The following ARFIP1 variants were observed in gnomAD, a reference collection of about 807,000 sequenced individuals.
ARFIP1 encodes the protein arfaptin-1.
ARFIP1 carries 24 observed loss-of-function variants against 42.5 expected under a neutral mutation model. The observed-to-expected ratio is 0.57, with a 90% CI of 0.41 to 0.80. The LOEUF (loss-of-function observed/expected upper bound fraction) is 0.80, where lower values mean the gene tolerates loss of function less well. Ranked by LOEUF, ARFIP1 falls within the 30% of genes least tolerant of loss-of-function variation. The pLI, the probability that ARFIP1 is intolerant of heterozygous loss-of-function variation, is 0.00. For synonymous variants in ARFIP1, 141 were observed against 153.7 expected, an observed-to-expected ratio of 0.92 and a Z score of 0.61; for missense variants, 354 against 434.0, an observed-to-expected ratio of 0.82 and a Z score of 1.64.
intron 2 of ARFIP1, among the ~76,000 whole-genome samples, chr4:152,836,914 T>G (rs1429636403): frequency 6.6e-6 from 1 of 152,098 alleles, no homozygotes; most frequent in Non-Finnish European, 1.5e-5. Context: ...TGCACCATAT[T>G]TTATCCCTTG....
chr4:152,860,465 C>T (rs985895077), intron 2 of ARFIP1, among the ~76,000 whole-genome samples: 4 of 152,174 alleles, frequency 2.6e-5, no homozygotes, highest in African/African-American at 9.7e-5. Context: ...TGTTTGCCTT[C>T]TGAAACTCCA....
chr4:152,806,870 A>G (rs1729032390), intron 1 of ARFIP1, among the ~76,000 whole-genome samples: 1 of 146,504 alleles, frequency 6.8e-6, no homozygotes, highest in African/African-American at 2.6e-5. Flanking sequence ...GACAGGTCTC[A>G]CTCTGACACC....
intron 2 of ARFIP1, among the ~76,000 whole-genome samples, chr4:152,839,451 C>T (rs1303797912): frequency 6.6e-6 from 1 of 152,114 alleles, no homozygotes; most frequent in Admixed American, 6.5e-5. Context: ...CCATTTCAGT[C>T]TCACTGCTTG....
intron 1 of ARFIP1, among the ~76,000 whole-genome samples, chr4:152,793,483 A>G (rs1731253490): frequency 6.6e-6 from 1 of 151,936 alleles, no homozygotes; most frequent in South Asian, 2.1e-4. Flanking sequence ...CTTGGGGGAG[A>G]TGTTCCAAGA....
intron 2 of ARFIP1, chr4:152,850,530 T>A (rs1221279650): frequency 6.6e-6 from 1 of 152,132 alleles, no homozygotes; most frequent in Non-Finnish European, 1.5e-5. Context: ...GGGGCAGAGT[T>A]GCACAAGAAT....
intron 3 of ARFIP1, among the ~76,000 whole-genome samples, chr4:152,870,276 G>A (rs896367991): frequency 1.3e-5 from 2 of 152,200 alleles, no homozygotes; most frequent in Non-Finnish European, 2.9e-5. Context: ...TCCTGTGAAG[G>A]CTGTAGTTCA....
intron 2 of ARFIP1, among the ~76,000 whole-genome samples, chr4:152,857,928 C>T (rs1451120245): frequency 6.6e-6 from 1 of 152,156 alleles, no homozygotes; most frequent in Non-Finnish European, 1.5e-5. Context: ...TCTTTCACTG[C>T]CGTGTCAGTA....
chr4:152,823,197 A>T (rs771664032), intron 1 of ARFIP1, among the ~76,000 whole-genome samples: 4 of 152,220 alleles, frequency 2.6e-5, no homozygotes, highest in Non-Finnish European at 5.9e-5. Context: ...TCTCAATTGG[A>T]AATGAAAATG....
chr4:152,891,366 AT>A (rs1457928141), intron 8 of ARFIP1, among the ~76,000 whole-genome samples: 2 of 152,210 alleles, frequency 1.3e-5, no homozygotes, highest in East Asian at 3.8e-4. Context: ...TATATTTTTT[AT>A]TTAACTCTTC....
chr4:152,796,499 C>T (rs989565893), intron 1 of ARFIP1: 11 of 737,836 alleles, frequency 1.5e-5, no homozygotes, highest in South Asian at 1.3e-4. Context: ...CCCATTTTCC[C>T]TCATTCTCTT....
intron 1 of ARFIP1, among the ~76,000 whole-genome samples, chr4:152,781,904 C>T (rs1186595319): frequency 6.6e-6 from 1 of 152,142 alleles, no homozygotes; most frequent in African/African-American, 2.4e-5. Context: ...AAATTATATG[C>T]AGTTTTGTTT....
chr4:152,787,716 C>G lies in ARFIP1; in HGVS notation c.-10+7490C>G, dbSNP rs6848367. 4.4e-3 allele frequency among the ~76,000 whole-genome samples: 675 copies of G among 152,300 alleles called. 4 individuals are homozygous for G. The highest frequency in any genetic ancestry group is 0.015 in the African/African-American group (633 of 41,570). Reference sequence around the variant, plus strand: ...TATTAAAAGTATTATATAAAATTACCTTCAAGCTATGTGTATAAGGTGTAT... The same window carrying G: ...TATTAAAAGTATTATATAAAATTACGTTCAAGCTATGTGTATAAGGTGTAT... On this transcript the variant is annotated intron_variant, in intron 1 of 8. Transcript: ENST00000353617.
At chr4:152,791,348 C>T (rs775065020) in intron 1 of ARFIP1, among the ~76,000 whole-genome samples, 14 of 152,248 alleles carry the variant, frequency 9.2e-5, no homozygotes, top group Non-Finnish European at 1.6e-4. Flanking sequence ...ATTGTTTTGA[C>T]TGAAAAGCTT....
chr4:152,860,683 A>C (rs1733818546), intron 2 of ARFIP1, among the ~76,000 whole-genome samples: 1 of 152,246 alleles, frequency 6.6e-6, no homozygotes, highest in Non-Finnish European at 1.5e-5. Context: ...TAAAGGAGCC[A>C]TTCCCAGACA....
chr4:152,882,298 CA>C (rs34005305), intron 6 of ARFIP1, among the ~76,000 whole-genome samples: 26,700 of 151,472 alleles, frequency 0.18, 2,504 homozygotes, highest in African/African-American at 0.24. Flanking sequence ...AGTCAAAACA[CA>C]AAAAAAATGC....
intron 8 of ARFIP1, among the ~76,000 whole-genome samples, chr4:152,900,307 A>G (rs1340783824): frequency 6.6e-6 from 1 of 152,222 alleles, no homozygotes; most frequent in Non-Finnish European, 1.5e-5. Context: ...AAAGAATTAT[A>G]AGACGTCACC....
chr4:152,856,064 C>G (rs772276527), intron 2 of ARFIP1, among the ~76,000 whole-genome samples: 63 of 152,156 alleles, frequency 4.1e-4, no homozygotes, highest in Non-Finnish European at 1.8e-4. Flanking sequence ...CTTGAAGCCC[C>G]TCTCTTAAGT....
chr4:152,910,113 C>T lies in ARFIP1; in HGVS notation c.1016C>T (p.Ala339Val). ...QLVLFHNAIA[A>V]YFAGNQKQLE... ...GTCCTTTTCCACAATGCCATTGCCGCTTACTTTGCTGGGAATCAGAAGCAG... is the reference window on the plus strand; with the variant it reads ...GTCCTTTTCCACAATGCCATTGCCGTTTACTTTGCTGGGAATCAGAAGCAG... Residue 339 changes from alanine to valine, a missense_variant, in exon 9 of 9, where the codon GCT (alanine) becomes GTT (valine). By Grantham distance (64) the Ala-to-Val change is moderately conservative. Transcript: ENST00000353617. 1 of 1,614,176 alleles carries T rather than the reference C, an allele frequency of 6.2e-7. No individual in the cohort carries two copies. The highest frequency in any genetic ancestry group is 8.5e-7 in the Non-Finnish European group (1 of 1,180,028).
At chr4:152,885,664 A>G (rs191382979) in intron 7 of ARFIP1, among the ~76,000 whole-genome samples, 1,531 of 152,074 alleles carry the variant, frequency 0.01, 12 homozygotes, top group Non-Finnish European at 0.015. Context: ...TAAGAAATAT[A>G]AGGTCAGTAT....
Sources: allele counts gnomAD v4.1 joint callset (sites outside exome capture counted in the v4.1 genomes callset), GRCh38; gene constraint gnomAD v4.1.1; transcripts MANE v1.5; gene names NCBI Gene and HGNC (gene_info 2026-07-23, HGNC 2026-07-21).